Variants in MUC12 observed in about 807,000 individuals in gnomAD.
The protein encoded by MUC12 is mucin 12, cell surface associated, also known as mucin-12.
Under a neutral mutation model 230.8 loss-of-function variants are expected in MUC12, and 172 were observed. That is an observed-to-expected ratio of 0.75 (90% CI 0.66 to 0.85). MUC12 has a LOEUF of 0.85. Among genes scored for constraint, MUC12 ranks in the 40% least tolerant of loss-of-function variants. MUC12 has a pLI of 0.00. For synonymous variants in MUC12, 1,259 were observed against 2,401.9 expected (o/e 0.52, Z 13.91); for missense variants, 3,506 against 5,920.6 (o/e 0.59, Z 13.38).
At position 100,978,236 on chromosome 7, in the gene MUC12, C is replaced by G. The variant is rs542366984; in HGVS notation, c.67+8547C>G. Among the ~76,000 whole-genome samples, 13 of 152,312 alleles carry G rather than the reference C, an allele frequency of 8.5e-5. No homozygotes were observed. The South Asian group carries it at 2.5e-3, about 29-fold the overall frequency. On this transcript the variant is annotated intron_variant, in intron 1 of 11. Coordinates refer to ENST00000536621, the MANE Select transcript of MUC12 (RefSeq NM_001164462.2). Reference sequence around the variant, plus strand: ...CTAGAAAGCCAAGAAGTCCATCCACCGCCATTGGTGTGTGCAGGGGTTGGG... The same window carrying G: ...CTAGAAAGCCAAGAAGTCCATCCACGGCCATTGGTGTGTGCAGGGGTTGGG...
chr7:100,969,821 G>A (rs1274835072), intron 1 of MUC12, 132 bp downstream of exon 1: 1 of 1,339,830 alleles, frequency 7.5e-7, no homozygotes, highest in Non-Finnish European at 1.0e-6. Context: ...CAGGGCTGGA[G>A]ACCCGTGCTG....
intron 1 of MUC12, among the ~76,000 whole-genome samples, chr7:100,977,232 A>T (rs1793046594): frequency 6.6e-6 from 1 of 152,120 alleles, no homozygotes; most frequent in Non-Finnish European, 1.5e-5. Context: ...ATAAATTAAC[A>T]AACACTATTG....
rs776045644 is a variant in MUC12 at position 101,004,557 on chromosome 7, T to C, written c.13994T>C (p.Ile4665Thr). The C allele has an allele frequency of 1.5e-4, 237 of 1,533,750 alleles. No individual in the cohort carries two copies. Among genetic ancestry groups the C allele is most frequent in the African/African-American group, 1.4e-3 (99 of 71,836 alleles). Residue 4665 changes from isoleucine (I) to threonine (T), a missense_variant, in exon 2 of 12, where the codon ATT (isoleucine) becomes ACT (threonine). Physicochemically the swap from Ile to Thr is moderately conservative, Grantham distance 89 (BLOSUM62 -1). Transcript: ENST00000536621. ...PTSYHSSPGS[I>T]ATTHFPESST... ...AGCTACCACAGCAGCCCGGGCTCAA[T>C]TGCAACAACACACTTTCCTGAGAGC...
At position 100,991,934 on chromosome 7, in the gene MUC12, A is replaced by G; in HGVS notation, c.1371A>G (p.Thr457=). 6 of 1,537,928 alleles carry G rather than the reference A, an allele frequency of 3.9e-6. No individual in the cohort carries two copies. Among genetic ancestry groups the G allele is most frequent in the Non-Finnish European group, 5.2e-6 (6 of 1,147,082 alleles). The change falls in exon 2 of 12, where the codon ACA becomes ACG. Residue 457 remains threonine (T), a synonymous_variant. Coordinates refer to ENST00000536621, the MANE Select transcript of MUC12 (RefSeq NM_001164462.2). ...CAACAGTCTTACCTGCCGGCTCTAC[A>G]CCCTCAGTTCTTGTTGGAGACTCGA... is the stretch of plus-strand genomic sequence containing the variant. ...MATTVLPAGS[T]PSVLVGDSTP...
At chr7:101,015,726 C>T (rs1461607706) in intron 10 of MUC12, 35 bp downstream of exon 10, 27 of 1,520,208 alleles carry the variant, frequency 1.8e-5, no homozygotes, top group Non-Finnish European at 2.4e-5. Context: ...ATGAGCAGAG[C>T]TGGAGGGTGA....
At position 101,018,613 on chromosome 7, in the gene MUC12, G is replaced by T; in HGVS notation, c.15985G>T (p.Glu5329Ter). The change falls in exon 12 of 12, where the codon GAG becomes TAG. Residue 5329 changes from glutamate (E) to a stop codon, truncating the protein, a stop_gained. Transcript: ENST00000536621. LOFTEE classifies it low-confidence loss of function (END_TRUNC). ...SGTELHIQRPEMVASTV is the reference protein window; with the variant it reads ...SGTELHIQRP ...CCCCCAGCTCCACATCCAGAGGCCG[G>T]AGATGGTAGCATCCACTGTGTGAGC... The T allele has an allele frequency of 6.5e-7, 1 of 1,536,078 alleles. No individual in the cohort carries two copies.
chr7:100,982,477 C>T (rs1384981153), intron 1 of MUC12, among the ~76,000 whole-genome samples: 1 of 151,030 alleles, frequency 6.6e-6, no homozygotes, highest in Non-Finnish European at 1.5e-5. Context: ...TGCTCTGTTG[C>T]CCAGGCTGGA....
rs759301994 is a variant in MUC12, at chr7:101,013,177, C to T, written c.15638+35C>T. On this transcript the variant is annotated intron_variant, in intron 8 of 11. Coordinates refer to ENST00000536621, the MANE Select transcript of MUC12 (RefSeq NM_001164462.2). ...CCCATAAGCCCAGCACCCACTCTGT[C>T]CTGGTGATAGGGCCCTCCCCCTCCC... The T allele has an allele frequency of 6.5e-6, 10 of 1,535,236 alleles. No individual in the cohort carries two copies. The African/African-American group carries it at 1.1e-4, about 17-fold the overall frequency.
chr7:100,971,967 G>A (rs771313209), intron 1 of MUC12: 10 of 677,836 alleles, frequency 1.5e-5, no homozygotes, highest in Non-Finnish European at 2.7e-5. Flanking sequence ...GATAACACAG[G>A]TGAATCCCTT....
intron 1 of MUC12, among the ~76,000 whole-genome samples, chr7:100,971,314 C>T: frequency 6.6e-6 from 1 of 152,178 alleles, no homozygotes; most frequent in East Asian, 1.9e-4. Flanking sequence ...AACAGACTTT[C>T]TGATTCCTTT....
intron 1 of MUC12, 92 bp downstream of exon 1, chr7:100,969,781 T>A (rs974543495): frequency 6.0e-5 from 1 of 16,676 alleles, no homozygotes; most frequent in African/African-American, 3.4e-3. Context: ...GCAGGTGGCC[T>A]CCTCCCCTTT....
Position 100,991,285 on chromosome 7 carries a change from C to A in MUC12, c.722C>A (p.Thr241Lys), listed in dbSNP as rs371764016. The part of the protein sequence containing the change: ...TKTTRLPDNT[T>K]TSGLLEASTP... Reference sequence around the variant, plus strand: ...ACAACACGCTTACCTGACAACACCACAACCTCAGGCCTCCTTGAAGCATCT... The same window carrying A: ...ACAACACGCTTACCTGACAACACCAAAACCTCAGGCCTCCTTGAAGCATCT... Residue 241 changes from threonine to lysine, a missense_variant, in exon 2 of 12, where the codon ACA becomes AAA. Transcript: ENST00000536621. The A allele has an allele frequency of 1.6e-5, 24 of 1,537,654 alleles. No homozygotes were observed. The highest frequency in any genetic ancestry group is 2.0e-5 in the Non-Finnish European group (23 of 1,147,046).
Position 101,014,012 on chromosome 7 carries a change from G to A in MUC12, c.15738G>A (p.Val5246=). Reference sequence around the variant, plus strand: ...GGATCGTGGGGGCTGTGATGGCGGTGCTGCTGCTCGCATTGATCATCCTAA... The same window carrying A: ...GGATCGTGGGGGCTGTGATGGCGGTACTGCTGCTCGCATTGATCATCCTAA... ...VYGIVGAVMA[V]LLLALIILII... is the part of the protein sequence containing the mutation. Residue 5246 remains valine, a synonymous_variant, in exon 9 of 12, where the codon GTG becomes GTA. Transcript: ENST00000536621. 3 of 1,537,016 alleles carry A rather than the reference G, an allele frequency of 2.0e-6. No homozygotes were observed. Among genetic ancestry groups the A allele is most frequent in the Admixed American group, 3.9e-5 (2 of 50,970 alleles).
At chr7:101,005,607 C>A in intron 2 of MUC12, 88 bp downstream of exon 2, 2 of 1,398,186 alleles carry the variant, frequency 1.4e-6, no homozygotes, top group South Asian at 1.5e-5. Flanking sequence ...TCTCTTGGTT[C>A]TTTTCCTCTG....
chr7:101,013,558 C>T (rs1405565936), intron 8 of MUC12, among the ~76,000 whole-genome samples: 2 of 152,142 alleles, frequency 1.3e-5, no homozygotes, highest in East Asian at 3.8e-4. Flanking sequence ...GCACTAAGTC[C>T]ACAGACCATA....
chr7:100,975,224 A>G (rs1364099761), intron 1 of MUC12, among the ~76,000 whole-genome samples: 3 of 152,312 alleles, frequency 2.0e-5, no homozygotes, highest in South Asian at 2.1e-4. Flanking sequence ...TTTTATGTAC[A>G]TGAAGTTGCA....
rs1793373852 is a variant in MUC12, at chr7:100,992,940, G to GGA, written c.2380_2381dup (p.Ser795AsnfsTer292). ...CCGCTCCACAACCTCAGTTCTTCTT[G>GGA]GAGAATCTACGACCTCACCCATCAG... On this transcript the variant is annotated frameshift_variant, in exon 2 of 12. Transcript: ENST00000536621. LOFTEE classifies it high-confidence loss of function. 6.5e-7 allele frequency: 1 copy of GGA among 1,537,224 alleles called. No individual in the cohort carries two copies. The highest frequency in any genetic ancestry group is 2.0e-5 in the Admixed American group (1 of 50,916).
intron 8 of MUC12, 54 bp downstream of exon 8, chr7:101,013,196 C>T: frequency 6.6e-7 from 1 of 1,525,894 alleles, no homozygotes; most frequent in Non-Finnish European, 8.8e-7. Context: ...AGGGCCCTCC[C>T]CCTCCCCAGC....
chr7:100,969,775 G>A lies in MUC12; in HGVS notation c.67+86G>A, dbSNP rs1460805351. On this transcript the variant is annotated intron_variant, in intron 1 of 11. Coordinates refer to ENST00000536621, the MANE Select transcript of MUC12 (RefSeq NM_001164462.2). The stretch of plus-strand genomic sequence containing the variant: ...CCTGCCTCAGGCAGCAGGGCTGCAG[G>A]TGGCCTCCTCCCCTTTGCATGGCAA... 20 of 1,524,074 alleles carry A rather than the reference G, an allele frequency of 1.3e-5. No individual in the cohort carries two copies. The Middle Eastern group carries it at 5.1e-4, about 39-fold the overall frequency. The allele number at this position is 1,524,074 out of a possible 1,614,324, so 94.4% of individuals were successfully genotyped here.
Sources: allele counts gnomAD v4.1 joint callset (sites outside exome capture counted in the v4.1 genomes callset), GRCh38; gene constraint gnomAD v4.1.1; transcripts MANE v1.5; gene names NCBI Gene and HGNC (gene_info 2026-07-23, HGNC 2026-07-21).